The following TP73 variants were observed in gnomAD, a reference collection of about 807,000 sequenced individuals.
The protein encoded by TP73 is tumor protein p73.
A neutral mutation model predicts 62.5 loss-of-function variants in TP73; 25 were observed. The observed-to-expected ratio is 0.40, with a 90% confidence interval of 0.29 to 0.56. The LOEUF (loss-of-function observed/expected upper bound fraction) is 0.56, where lower values mean the gene tolerates loss of function less well. Among genes scored for constraint, TP73 ranks in the 20% least tolerant of loss-of-function variants. The probability of loss-of-function intolerance (pLI) is 0.46; values close to 1 mark genes in which losing one functional copy is unlikely to be tolerated. For missense variants in TP73, 754 were observed against 913.3 expected (o/e 0.83, Z 2.25); for synonymous variants, 423 against 377.5 (o/e 1.12, Z -1.40).
chr1:3,669,213 G>C (rs924952191), intron 1 of TP73, among the ~76,000 whole-genome samples: 1 of 152,216 alleles, frequency 6.6e-6, no homozygotes, highest in East Asian at 1.9e-4. Flanking sequence ...GAGTCGGGGG[G>C]AGTCTCCTTG....
At chr1:3,661,791 A>G (rs1644995177) in intron 1 of TP73, among the ~76,000 whole-genome samples, 1 of 147,970 alleles carries the variant, frequency 6.8e-6, no homozygotes. Flanking sequence ...TTATATATAT[A>G]CATACACTAT....
intron 1 of TP73, among the ~76,000 whole-genome samples, chr1:3,667,523 G>C (rs1404714139): frequency 3.3e-5 from 5 of 152,182 alleles, no homozygotes; most frequent in African/African-American, 1.2e-4. Context: ...GGCCGAGGCG[G>C]GTGGATCATG....
intron 1 of TP73, among the ~76,000 whole-genome samples, chr1:3,655,431 G>A (rs577010323): frequency 1.3e-5 from 2 of 152,316 alleles, no homozygotes; most frequent in East Asian, 1.9e-4. Context: ...TTCATGTAAC[G>A]AGCTGCCATT....
Position 3,697,738 on chromosome 1 carries a change from G to A in TP73, c.187-9811G>A, listed in dbSNP as rs138184544. Among the ~76,000 whole-genome samples, 63 of 152,340 alleles carry A rather than the reference G, an allele frequency of 4.1e-4. No homozygotes were observed. In the East Asian group the frequency reaches 0.012, roughly 29 times the overall value. On this transcript the variant is annotated intron_variant, in intron 3 of 13. Transcript: ENST00000378295. Reference sequence around the variant, plus strand: ...GGAGCTGACCAAGGCCAGTGCACTGGGCGGGACCATCCGTCACTCCTGAGC... The same window carrying A: ...GGAGCTGACCAAGGCCAGTGCACTGAGCGGGACCATCCGTCACTCCTGAGC...
intron 4 of TP73, among the ~76,000 whole-genome samples, chr1:3,714,515 G>GTGAT (rs1198248078): frequency 6.6e-6 from 1 of 152,256 alleles, no homozygotes; most frequent in Non-Finnish European, 1.5e-5. Flanking sequence ...CCTCTCTGCA[G>GTGAT]TGAGCAGAGC....
At chr1:3,660,516 T>C (rs752802793) in intron 1 of TP73, among the ~76,000 whole-genome samples, 1 of 152,222 alleles carries the variant, frequency 6.6e-6, no homozygotes, top group Non-Finnish European at 1.5e-5. Flanking sequence ...AATAACTCTA[T>C]GGCCGTAAAA....
At chr1:3,702,711 G>T (rs1017878371) in intron 3 of TP73, among the ~76,000 whole-genome samples, 1 of 152,252 alleles carries the variant, frequency 6.6e-6, no homozygotes. Context: ...TCTGGCTCCC[G>T]CGCACTCCTT....
chr1:3,688,661 C>A (rs1053357852), intron 3 of TP73, among the ~76,000 whole-genome samples: 25 of 152,342 alleles, frequency 1.6e-4, no homozygotes, highest in African/African-American at 5.5e-4. Context: ...CAAGGCTGGG[C>A]CTTGGGAACG....
At chr1:3,656,242 G>A (rs889496574) in intron 1 of TP73, among the ~76,000 whole-genome samples, 1 of 151,920 alleles carries the variant, frequency 6.6e-6, no homozygotes, top group African/African-American at 2.4e-5. Flanking sequence ...ACCAAAGTGG[G>A]CTCAGACAGA....
At chr1:3,667,031 A>G (rs1008053436) in intron 1 of TP73, among the ~76,000 whole-genome samples, 1 of 152,238 alleles carries the variant, frequency 6.6e-6, no homozygotes, top group African/African-American at 2.4e-5. Flanking sequence ...AGGGGGCCCC[A>G]CAAGAGGGGT....
chr1:3,722,425 CAG>C (rs1641146459), intron 5 of TP73, among the ~76,000 whole-genome samples: 1 of 152,238 alleles, frequency 6.6e-6, no homozygotes, highest in Admixed American at 6.5e-5. Flanking sequence ...GTGGTCTGGG[CAG>C]AGTCTGAGGG....
chr1:3,730,169 G>A (rs1331965465), intron 11 of TP73, 21 bp downstream of exon 11: 29 of 1,512,232 alleles, frequency 1.9e-5, no homozygotes, highest in Admixed American at 4.2e-5. Context: ...TGGGCAGTGC[G>A]GGCCCACGGG....
At position 3,730,970 on chromosome 1, in the gene TP73, C is replaced by T. The variant is rs150268231; in HGVS notation, c.1389C>T (p.Asn463=). ...LNNHGHAVPA[N]GEMSSSHSAQ... Reference sequence around the variant, plus strand: ...ACCATGGCCACGCAGTGCCAGCCAACGGCGAGATGAGCAGCAGCCACAGCG... The same window carrying T: ...ACCATGGCCACGCAGTGCCAGCCAATGGCGAGATGAGCAGCAGCCACAGCG... Residue 463 remains asparagine (N), a synonymous_variant, in exon 12 of 14, where the codon AAC becomes AAT. Coordinates refer to ENST00000378295, the MANE Select transcript of TP73 (RefSeq NM_005427.4). 1.5e-4 allele frequency: 242 copies of T among 1,611,826 alleles called. No individual in the cohort carries two copies. The highest frequency in any genetic ancestry group is 1.7e-4 in the Non-Finnish European group (199 of 1,179,586).
At chr1:3,708,110 T>C in intron 4 of TP73, 2 of 441,456 alleles carry the variant, frequency 4.5e-6, no homozygotes, top group South Asian at 2.6e-5. Context: ...GGATCTTTGG[T>C]TTGAAATCCT....
At chr1:3,722,313 C>T (rs1437214573) in intron 5 of TP73, 106 bp downstream of exon 5, 2 of 1,365,206 alleles carry the variant, frequency 1.5e-6, no homozygotes, top group Non-Finnish European at 2.0e-6. Flanking sequence ...ACAGCATGGG[C>T]TTAGCCATTC....
chr1:3,709,942 C>T (rs959763659), intron 4 of TP73, among the ~76,000 whole-genome samples: 3 of 152,136 alleles, frequency 2.0e-5, no homozygotes, highest in African/African-American at 7.2e-5. Flanking sequence ...GCTGGCTTCC[C>T]CCATCTAGGG....
intron 1 of TP73, among the ~76,000 whole-genome samples, chr1:3,673,734 C>T (rs1421734083): frequency 6.6e-6 from 1 of 152,182 alleles, no homozygotes; most frequent in East Asian, 1.9e-4. Flanking sequence ...AGCAAGAAGG[C>T]CTGGGCAGGC....
chr1:3,734,338 C>G lies in TP73; in HGVS notation c.*1259C>G, dbSNP rs775048509. ...CTCCATCCACGAGGAGCAGCCTGAG[C>G]CTTGGTGGCCGAACCTTGACCGTCC... On this transcript the variant is annotated 3_prime_UTR_variant, in exon 14 of 14. Transcript: ENST00000378295. The surrounding 1 kb of genome is among the most constrained non-coding windows in gnomAD (Gnocchi z 4.4). 2 of 152,278 alleles carry G rather than the reference C, an allele frequency of 1.3e-5. No individual in the cohort carries two copies. Among genetic ancestry groups the G allele is most frequent in the Non-Finnish European group, 2.9e-5 (2 of 68,110 alleles). 9.4% of individuals were successfully genotyped at this position (152,278 alleles called of 1,614,324 possible).
intron 4 of TP73, among the ~76,000 whole-genome samples, chr1:3,717,627 G>A (rs935678085): frequency 6.6e-6 from 1 of 152,298 alleles, no homozygotes; most frequent in South Asian, 2.1e-4. Flanking sequence ...CCTCCTGCCC[G>A]TTTTCCACAG....
Sources: gnomAD v4.1 joint callset for allele counts (sites outside exome capture counted in the v4.1 genomes callset) on GRCh38, gnomAD v4.1.1 for gene constraint, Gnocchi (gnomAD v3.1) non-coding constraint, MANE v1.5 for transcripts, NCBI Gene and HGNC (gene_info 2026-07-23, HGNC 2026-07-21) for gene names.